PPP1R9A: variants seen among roughly 807,000 people sequenced by gnomAD.
PPP1R9A encodes the protein neurabin-1.
PPP1R9A carries 59 observed loss-of-function variants against 141.9 expected under a neutral mutation model. The ratio of observed to expected loss-of-function variants is 0.42; its 90% CI spans 0.34 to 0.52. The LOEUF (loss-of-function observed/expected upper bound fraction) is 0.52. Ranked by LOEUF, PPP1R9A falls within the 20% of genes least tolerant of loss-of-function variation. The pLI is 0.10. For synonymous variants in PPP1R9A, 500 were observed against 569.7 expected (o/e 0.88, Z 1.74); for missense variants, 1,444 against 1,611.9 (o/e 0.90, Z 1.78).
intron 2 of PPP1R9A, among the ~76,000 whole-genome samples, chr7:94,992,631 T>C (rs1447819420): frequency 2.0e-5 from 3 of 152,214 alleles, no homozygotes; most frequent in Non-Finnish European, 4.4e-5. Context: ...TGCCAGCACT[T>C]GGGCTGGGCA....
chr7:95,251,652 A>C, intron 10 of PPP1R9A, 110 bp from the exon 11 acceptor site: 1 of 992,616 alleles, frequency 1.0e-6, no homozygotes. Context: ...AATGTTGTCC[A>C]TTTAAATAAC....
At chr7:94,936,242 C>T (rs1482348399) in intron 2 of PPP1R9A, among the ~76,000 whole-genome samples, 1 of 152,120 alleles carries the variant, frequency 6.6e-6, no homozygotes, top group Non-Finnish European at 1.5e-5. Context: ...GCGCCAGTTT[C>T]CTCTTCTCTA....
chr7:95,043,524 G>C lies in PPP1R9A; in HGVS notation c.1396-67735G>C, dbSNP rs1227266140. Among the ~76,000 whole-genome samples, 3 of 152,160 alleles carry C rather than the reference G, an allele frequency of 2.0e-5. No individual in the cohort carries two copies. In the East Asian group the frequency reaches 5.8e-4, roughly 29 times the overall value. The stretch of plus-strand genomic sequence containing the variant: ...GATGGCTAATCACAAACAACACAAG[G>C]GCACAGTGATCTCGACCTACTTCTG... On this transcript the variant is annotated intron_variant, in intron 2 of 19. Transcript: ENST00000433360.
intron 5 of PPP1R9A, among the ~76,000 whole-genome samples, chr7:95,196,070 C>CAT (rs1554553829): frequency 2.0e-5 from 3 of 148,994 alleles, no homozygotes; most frequent in East Asian, 2.0e-4. Flanking sequence ...TACACACATA[C>CAT]GTGTGTGTGT....
intron 8 of PPP1R9A, among the ~76,000 whole-genome samples, chr7:95,234,388 C>T (rs571256020): frequency 5.1e-4 from 77 of 152,224 alleles, no homozygotes; most frequent in African/African-American, 1.7e-3. Context: ...CAACAGCGAC[C>T]AAGCTGAGAA....
intron 2 of PPP1R9A, among the ~76,000 whole-genome samples, chr7:94,913,272 A>G (rs1584176953): frequency 6.6e-6 from 1 of 152,162 alleles, no homozygotes; most frequent in East Asian, 1.9e-4. Context: ...TATCATTGAA[A>G]TGTGTCTGTT....
At chr7:95,224,489 G>A (rs1022583923) in intron 7 of PPP1R9A, among the ~76,000 whole-genome samples, 4 of 152,118 alleles carry the variant, frequency 2.6e-5, no homozygotes, top group African/African-American at 9.7e-5. Flanking sequence ...ACTAGAAACT[G>A]TGTCTACTTT....
At chr7:95,098,945 C>G (rs1039394498) in intron 2 of PPP1R9A, among the ~76,000 whole-genome samples, 8 of 152,164 alleles carry the variant, frequency 5.3e-5, no homozygotes, top group African/African-American at 1.7e-4. Context: ...AAGAGAAGCT[C>G]TCAAACCCTC....
Position 95,273,773 on chromosome 7 carries a change from C to T in PPP1R9A, c.3125-126C>T, listed in dbSNP as rs1301081118. On this transcript the variant is annotated intron_variant, in intron 14 of 19. Transcript: ENST00000433360. ...GTGTCTCCTAGGTCGTATAAGAAGG[C>T]ATTGATTATTTATTTTACAATTAGG... is the stretch of plus-strand genomic sequence containing the variant. 4 of 896,040 alleles carry T rather than the reference C, an allele frequency of 4.5e-6. No individual in the cohort carries two copies. In the African/African-American group the frequency reaches 5.1e-5, roughly 11 times the overall value. The allele number at this position is 896,040 out of a possible 1,614,324, so 55.5% of individuals were successfully genotyped here.
chr7:94,982,055 A>G (rs1489574986), intron 2 of PPP1R9A, among the ~76,000 whole-genome samples: 2 of 144,188 alleles, frequency 1.4e-5, no homozygotes, highest in African/African-American at 2.6e-5. Flanking sequence ...ATTCCCATCT[A>G]TGAGCAAGAA....
intron 4 of PPP1R9A, among the ~76,000 whole-genome samples, chr7:95,124,328 C>T (rs1477691044): frequency 6.6e-6 from 1 of 151,698 alleles, no homozygotes; most frequent in Non-Finnish European, 1.5e-5. Flanking sequence ...AATATGATGC[C>T]CTTCTTGTGT....
intron 4 of PPP1R9A, among the ~76,000 whole-genome samples, chr7:95,121,702 T>C (rs1248804687): frequency 6.6e-6 from 1 of 152,094 alleles, no homozygotes; most frequent in Non-Finnish European, 1.5e-5. Context: ...AGGGGCCACA[T>C]CTGATGAGGA....
chr7:95,106,306 G>C (rs75601223), intron 2 of PPP1R9A, among the ~76,000 whole-genome samples: 1 of 152,236 alleles, frequency 6.6e-6, no homozygotes, highest in South Asian at 2.1e-4. Context: ...AGGAGACTGC[G>C]CCTTAGCATG....
intron 8 of PPP1R9A, among the ~76,000 whole-genome samples, chr7:95,228,214 A>G (rs1295913462): frequency 6.6e-6 from 1 of 152,198 alleles, no homozygotes; most frequent in Non-Finnish European, 1.5e-5. Context: ...TATCTCAATC[A>G]GTCATACTTT....
At chr7:95,271,954 G>A (rs1236136317) in intron 14 of PPP1R9A, among the ~76,000 whole-genome samples, 1 of 152,172 alleles carries the variant, frequency 6.6e-6, no homozygotes, top group Non-Finnish European at 1.5e-5. Context: ...AAATGGGAAA[G>A]TACATTATTC....
intron 7 of PPP1R9A, among the ~76,000 whole-genome samples, chr7:95,216,443 A>G (rs1461841746): frequency 3.3e-5 from 5 of 152,156 alleles, no homozygotes; most frequent in African/African-American, 1.2e-4. Context: ...TGTCTTGGCA[A>G]TGCAGGCTCT....
chr7:94,910,347 C>T lies in PPP1R9A; in HGVS notation c.234C>T (p.Asn78=), dbSNP rs778667387. The change falls in exon 2 of 20, where the codon AAC becomes AAT. Residue 78 remains asparagine, a synonymous_variant. Coordinates refer to ENST00000433360, the MANE Select transcript of PPP1R9A (RefSeq NM_001166160.2). This position sits in a 1 kb window ranked among gnomAD's most constrained non-coding sequence, Gnocchi z 4.5. ...NLFMQMGMEP[N]ENAAVIAKTR... is the part of the protein sequence containing the mutation. ...TTATGCAGATGGGTATGGAACCCAA[C>T]GAGAATGCTGCAGTCATTGCCAAAA... 9.3e-6 allele frequency: 15 copies of T among 1,613,896 alleles called. No homozygotes were observed. The East Asian group carries it at 1.6e-4, about 17-fold the overall frequency.
At chr7:95,044,744 T>TA (rs1253604591) in intron 2 of PPP1R9A, among the ~76,000 whole-genome samples, 8 of 145,798 alleles carry the variant, frequency 5.5e-5, no homozygotes, top group Admixed American at 1.4e-4. Flanking sequence ...TATATATATA[T>TA]TTTTTTGTAG....
chr7:95,253,455 A>G lies in PPP1R9A; in HGVS notation c.2665+1325A>G, dbSNP rs561457194. Among the ~76,000 whole-genome samples the G allele has an allele frequency of 2.0e-5, 3 of 152,330 alleles. No individual in the cohort carries two copies. In the East Asian group the frequency reaches 5.8e-4, roughly 29 times the overall value. ...ATTAAAATGATATCTAGAGATTTGA[A>G]TCCATTCACTGGGTTTATATCCTTC... On this transcript the variant is annotated intron_variant, in intron 12 of 19. Coordinates refer to ENST00000433360, the MANE Select transcript of PPP1R9A (RefSeq NM_001166160.2).
Sources: allele counts gnomAD v4.1 joint callset (sites outside exome capture counted in the v4.1 genomes callset), GRCh38; gene constraint gnomAD v4.1.1; non-coding constraint Gnocchi (gnomAD v3.1); transcripts MANE v1.5; gene names NCBI Gene and HGNC (gene_info 2026-07-23, HGNC 2026-07-21).